Variants in TMEM154 observed in about 807,000 individuals in gnomAD.
TMEM154 encodes the protein transmembrane protein 154.
In TMEM154, 27 loss-of-function variants were observed where a neutral mutation model predicts 24.5. The ratio of observed to expected loss-of-function variants is 1.10; its 90% CI spans 0.81 to 1.52. TMEM154 has a LOEUF of 1.52. Among genes scored for constraint, TMEM154 ranks in the 40% most tolerant of loss-of-function variants. The pLI is 0.00. For synonymous variants in TMEM154, 67 were observed against 76.8 expected, an observed-to-expected ratio of 0.87 and a Z score of 0.67; for missense variants, 228 against 213.4, an observed-to-expected ratio of 1.07 and a Z score of -0.43.
At chr4:152,660,001 A>G (rs1351445185) in intron 1 of TMEM154, among the ~76,000 whole-genome samples, 1 of 142,426 alleles carries the variant, frequency 7.0e-6, no homozygotes, top group East Asian at 1.9e-4. Flanking sequence ...TGGGTAACTG[A>G]AACCACGGGT....
intron 5 of TMEM154, among the ~76,000 whole-genome samples, chr4:152,642,341 T>C (rs996025486): frequency 2.0e-5 from 3 of 152,164 alleles, no homozygotes; most frequent in Admixed American, 1.3e-4. Flanking sequence ...GACATGATAA[T>C]GCTGGGTTTT....
intron 3 of TMEM154, chr4:152,647,083 T>TCA: frequency 9.6e-7 from 1 of 1,036,988 alleles, no homozygotes; most frequent in Non-Finnish European, 1.4e-6. Context: ...AAAAAGTAAT[T>TCA]TCCAATCAGA....
At position 152,620,864 on chromosome 4, in the gene TMEM154, T is replaced by C. The variant is rs1751835136; in HGVS notation, c.*7682A>G. On this transcript the variant is annotated 3_prime_UTR_variant, in exon 7 of 7. Transcript: ENST00000304385. ...TTGGGGATGCAGTGCAGTGCAGTGATTAAAAACTTGTGCTTTGGAGTTGGA... is the reference window on the plus strand; with the variant it reads ...TTGGGGATGCAGTGCAGTGCAGTGACTAAAAACTTGTGCTTTGGAGTTGGA... The C allele has an allele frequency of 6.6e-6, 1 of 152,214 alleles. No individual in the cohort carries two copies. Among genetic ancestry groups the C allele is most frequent in the South Asian group, 2.1e-4 (1 of 4,832 alleles). 9.4% of individuals were successfully genotyped at this position (152,214 alleles called of 1,614,324 possible).
chr4:152,626,206 A>G lies in TMEM154; in HGVS notation c.*2340T>C, dbSNP rs960988117. 3 of 152,666 alleles carry G rather than the reference A, an allele frequency of 2.0e-5. No individual in the cohort carries two copies. Among genetic ancestry groups the G allele is most frequent in the African/African-American group, 7.2e-5 (3 of 41,462 alleles). The allele number at this position is 152,666 out of a possible 1,614,324, so 9.5% of individuals were successfully genotyped here. On this transcript the variant is annotated 3_prime_UTR_variant, in exon 7 of 7. Transcript: ENST00000304385. The stretch of plus-strand genomic sequence containing the variant: ...CCTAGTTTGCTTAAAATGTACGAAA[A>G]TGCAATCAAACTTACATATCTTTTA...
Position 152,652,511 on chromosome 4 carries a change from G to A in TMEM154, c.364+27C>T, listed in dbSNP as rs369107064. On this transcript the variant is annotated intron_variant, in intron 3 of 6. Coordinates refer to ENST00000304385, the MANE Select transcript of TMEM154 (RefSeq NM_152680.3). ...TCCTTCTCCAATCCCACCCCCACCT[G>A]TAGGCAGGTTTTAGGATAATACTCA... 5.2e-5 allele frequency: 84 copies of A among 1,612,614 alleles called. No individual in the cohort carries two copies. The African/African-American group carries it at 1.1e-3, about 20-fold the overall frequency.
intron 3 of TMEM154, among the ~76,000 whole-genome samples, chr4:152,650,754 A>C (rs764151240): frequency 3.9e-5 from 6 of 152,240 alleles, no homozygotes; most frequent in Non-Finnish European, 7.3e-5. Flanking sequence ...ATAAGACTTG[A>C]AATTCAAAAT....
At chr4:152,659,057 C>T (rs556635635) in intron 1 of TMEM154, among the ~76,000 whole-genome samples, 3 of 152,274 alleles carry the variant, frequency 2.0e-5, no homozygotes, top group African/African-American at 7.2e-5. Flanking sequence ...GGAATAATTG[C>T]ACTCGCGTGT....
chr4:152,645,918 A>G (rs146040852), intron 3 of TMEM154, among the ~76,000 whole-genome samples: 46 of 147,048 alleles, frequency 3.1e-4, no homozygotes, highest in African/African-American at 9.6e-4. Flanking sequence ...AGAAACTTAG[A>G]TGGGGGAAAG....
chr4:152,618,798 C>T lies in TMEM154; in HGVS notation c.*9748G>A, dbSNP rs1751802796. The T allele has an allele frequency of 1.3e-5, 2 of 151,932 alleles. No homozygotes were observed. Among genetic ancestry groups the T allele is most frequent in the Admixed American group, 1.3e-4 (2 of 15,240 alleles). 9.4% of individuals were successfully genotyped at this position (151,932 alleles called of 1,614,324 possible). A position where few individuals can be genotyped will look rare whatever the true frequency, so the allele number is the denominator to read the frequency against. On this transcript the variant is annotated 3_prime_UTR_variant, in exon 7 of 7. Coordinates refer to ENST00000304385, the MANE Select transcript of TMEM154 (RefSeq NM_152680.3). ...ATTGGATTTAATGTAGCTAAAAATA[C>T]AATACAATACACACAATAGGACAAT...
chr4:152,646,540 T>G (rs1728239404), intron 3 of TMEM154: 1 of 176,890 alleles, frequency 5.7e-6, no homozygotes, highest in African/African-American at 2.4e-5. Context: ...CTATATATAT[T>G]TATGAATAGC....
In TMEM154 at chr4:152,630,309, C is replaced by CAAAAA. The variant is rs56827457; in HGVS notation, c.537-1753_537-1749dup. ...CCTGGGTAAGAGAGACACCCTGTCTCAAAAAAAAAAAAAAAAAAAAGACAA... is the reference window on the plus strand; with the variant it reads ...CCTGGGTAAGAGAGACACCCTGTCTCAAAAAAAAAAAAAAAAAAAAAAAAAGACAA... On this transcript the variant is annotated intron_variant, in intron 6 of 6. Coordinates refer to ENST00000304385, the MANE Select transcript of TMEM154 (RefSeq NM_152680.3). 2.2e-3 allele frequency among the ~76,000 whole-genome samples: 201 copies of CAAAAA among 89,484 alleles called. 3 individuals carry two copies. Among genetic ancestry groups the CAAAAA allele is most frequent in the Middle Eastern group, 0.013 (2 of 158 alleles). 58.7% of individuals were successfully genotyped at this position (89,484 alleles called of 152,430 possible). A position where few individuals can be genotyped will look rare whatever the true frequency, so the allele number is the denominator to read the frequency against.
intron 3 of TMEM154, among the ~76,000 whole-genome samples, chr4:152,649,475 T>C (rs1728332197): frequency 6.6e-6 from 1 of 152,206 alleles, no homozygotes; most frequent in African/African-American, 2.4e-5. Context: ...TAGTAATCTT[T>C]AGACAGTTGA....
intron 6 of TMEM154, 24 bp from the exon 7 acceptor site, chr4:152,628,585 A>T (rs1406787395): frequency 1.8e-6 from 2 of 1,109,620 alleles, no homozygotes; most frequent in Non-Finnish European, 2.3e-6. Flanking sequence ...AAAAAAAAAA[A>T]AAAAAAACAA....
At chr4:152,649,195 TA>T (rs1388975209) in intron 3 of TMEM154, among the ~76,000 whole-genome samples, 1 of 152,238 alleles carries the variant, frequency 6.6e-6, no homozygotes, top group Non-Finnish European at 1.5e-5. Context: ...GTGAGGGACA[TA>T]AAGTGAGTTT....
chr4:152,664,330 T>A (rs1728673347), intron 1 of TMEM154, among the ~76,000 whole-genome samples: 2 of 143,960 alleles, frequency 1.4e-5, no homozygotes, highest in Non-Finnish European at 3.0e-5. Context: ...ACAATGACAA[T>A]ACATGGACAC....
rs1322065742 is a variant in TMEM154 at position 152,659,387 on chromosome 4, G to A, written c.65-6460C>T. ...GGGTGTGTGGGTAAGAGTAGGGGAA[G>A]AAGAGAGGTTGGTTAATGGGTAGAA... On this transcript the variant is annotated intron_variant, in intron 1 of 6. Transcript: ENST00000304385. Among the ~76,000 whole-genome samples, 4 of 152,282 alleles carry A rather than the reference G, an allele frequency of 2.6e-5. No homozygotes were observed. In the East Asian group the frequency reaches 7.7e-4, roughly 29 times the overall value.
In TMEM154 at chr4:152,622,542, C is replaced by T. The variant is rs896490488; in HGVS notation, c.*6004G>A. On this transcript the variant is annotated 3_prime_UTR_variant, in exon 7 of 7. Coordinates refer to ENST00000304385, the MANE Select transcript of TMEM154 (RefSeq NM_152680.3). The stretch of plus-strand genomic sequence containing the variant: ...AAATTCACATAGAAGCTATTCATTC[C>T]TCATATCTTATAGTGCTTTATTTTT... 2 of 151,840 alleles carry T rather than the reference C, an allele frequency of 1.3e-5. No individual in the cohort carries two copies. Among genetic ancestry groups the T allele is most frequent in the Non-Finnish European group, 2.9e-5 (2 of 67,970 alleles). 9.4% of individuals were successfully genotyped at this position (151,840 alleles called of 1,614,324 possible). A position where few individuals can be genotyped will look rare whatever the true frequency, so the allele number is the denominator to read the frequency against.
At chr4:152,679,536 G>GGT (rs1729018731) in intron 1 of TMEM154, among the ~76,000 whole-genome samples, 1 of 150,484 alleles carries the variant, frequency 6.6e-6, no homozygotes, top group Non-Finnish European at 1.5e-5. Flanking sequence ...TGAAGCTTTT[G>GGT]TTTTTTTTTA....
At chr4:152,667,172 T>C (rs1728737523) in intron 1 of TMEM154, 1 of 152,250 alleles carries the variant, frequency 6.6e-6, no homozygotes. Flanking sequence ...AAATGTCCAA[T>C]AGGCCTGGTG....
Sources: allele counts gnomAD v4.1 joint callset (sites outside exome capture counted in the v4.1 genomes callset), GRCh38; gene constraint gnomAD v4.1.1; transcripts MANE v1.5; gene names NCBI Gene and HGNC (gene_info 2026-07-23, HGNC 2026-07-21).